The following SBK2 variants were observed in gnomAD, a reference collection of about 807,000 sequenced individuals.
SBK2 encodes the protein serine/threonine-protein kinase SBK2.
A neutral mutation model predicts 15.9 loss-of-function variants in SBK2; 18 were observed. The observed-to-expected ratio is 1.13, with a 90% CI of 0.78 to 1.68. SBK2 has a LOEUF of 1.68. Among genes scored for constraint, SBK2 ranks in the 40% most tolerant of loss-of-function variants. The pLI is 0.00. For synonymous variants in SBK2, 284 were observed against 246.8 expected, an observed-to-expected ratio of 1.15 and a Z score of -1.41; for missense variants, 581 against 510.9, an observed-to-expected ratio of 1.14 and a Z score of -1.32.
chr19:55,530,747 T>C (rs191414292), intron 3 of SBK2, among the ~76,000 whole-genome samples: 73 of 3,192 alleles, frequency 0.023, 4 homozygotes, highest in African/African-American at 0.035. Flanking sequence ...TTAGTGTGGC[T>C]TAGTGTGACC....
Position 55,529,731 on chromosome 19 carries a change from C to T in SBK2, c.*2G>A, listed in dbSNP as rs1988193141. On this transcript the variant is annotated 3_prime_UTR_variant, in exon 4 of 4. Transcript: ENST00000413299. ...TCCCTTTCTGCATCCCCCGGGGCCT[C>T]CTCACTGCCCAGCCTCCTCTTCCAC... 1.3e-6 allele frequency: 2 copies of T among 1,599,372 alleles called. No individual in the cohort carries two copies. The highest frequency in any genetic ancestry group is 1.6e-4 in the Middle Eastern group (1 of 6,074).
intron 3 of SBK2, 61 bp from the exon 4 acceptor site, chr19:55,530,384 G>A: frequency 7.3e-7 from 1 of 1,372,740 alleles, no homozygotes; most frequent in Non-Finnish European, 9.4e-7. Context: ...CGAGACCCAG[G>A]AAGCAGGCCC....
intron 3 of SBK2, 40 bp downstream of exon 3, chr19:55,531,103 G>T (rs762720181): frequency 3.8e-6 from 6 of 1,572,558 alleles, no homozygotes; most frequent in South Asian, 1.1e-5. Context: ...CTGGGAGGCC[G>T]GTGAGGCACT....
At chr19:55,535,071 G>A (rs1002324927) in intron 2 of SBK2, among the ~76,000 whole-genome samples, 4 of 151,962 alleles carry the variant, frequency 2.6e-5, no homozygotes, top group South Asian at 2.1e-4. Flanking sequence ...TTGTGGAAGC[G>A]CCTGCCTTTG....
chr19:55,533,658 TCAAAAAAAAAAAAAAAA>T (rs1988327107), intron 2 of SBK2, among the ~76,000 whole-genome samples: 10 of 4,840 alleles, frequency 2.1e-3, no homozygotes, highest in East Asian at 0.025. Context: ...AGACTCCGTC[TCAAAAAAAAAAAAAAAA>T]AAAAAAAAAA....
rs1162470089 is a variant in SBK2, at chr19:55,531,204, G to C, written c.395C>G (p.Ser132Cys). 2 of 1,613,514 alleles carry C rather than the reference G, an allele frequency of 1.2e-6. No individual in the cohort carries two copies. Among genetic ancestry groups the C allele is most frequent in the Admixed American group, 1.7e-5 (1 of 60,026 alleles). The change falls in exon 3 of 4, where the codon TCC (serine) becomes TGC (cysteine). Residue 132 changes from serine to cysteine, a missense_variant. Ser to Cys is a moderately radical substitution (Grantham distance 112). Coordinates refer to ENST00000413299, the MANE Select transcript of SBK2 (RefSeq NM_001370096.2). ...AYGIGIESAH[S>C]YSFLTEPVLH... is the part of the protein sequence containing the mutation. The stretch of plus-strand genomic sequence containing the variant: ...GACGGGCTCCGTCAGGAAGCTGTAG[G>C]AGTGTGCCGACTCGATGCCAATGCC...
chr19:55,531,374 C>T (rs943822564), intron 2 of SBK2, 29 bp from the exon 3 acceptor site: 17 of 1,556,930 alleles, frequency 1.1e-5, no homozygotes, highest in Middle Eastern at 1.7e-4. Context: ...GTATGGGAGG[C>T]GTGCAGCAGC....
At chr19:55,535,520 C>T (rs1988375764) in intron 2 of SBK2, among the ~76,000 whole-genome samples, 1 of 152,156 alleles carries the variant, frequency 6.6e-6, no homozygotes, top group African/African-American at 2.4e-5. Context: ...AAATCATCAC[C>T]CACATTTTCC....
In SBK2 at chr19:55,529,702, G is replaced by A. The variant is rs1338225435; in HGVS notation, c.*31C>T. On this transcript the variant is annotated 3_prime_UTR_variant, in exon 4 of 4. Coordinates refer to ENST00000413299, the MANE Select transcript of SBK2 (RefSeq NM_001370096.2). ...TGGCCTTGGGGGCCTCGGGTGGGGC[G>A]GCTTCCCTTTCTGCATCCCCCGGGG... The A allele has an allele frequency of 1.8e-5, 28 of 1,590,258 alleles. No individual in the cohort carries two copies. Among genetic ancestry groups the A allele is most frequent in the African/African-American group, 2.7e-5 (2 of 74,412 alleles).
rs528907102 is a variant in SBK2, at chr19:55,531,421, G to A, written c.254-76C>T. The A allele has an allele frequency of 7.7e-4, 911 of 1,186,606 alleles. 1 individual carries two copies. Among genetic ancestry groups the A allele is most frequent in the Non-Finnish European group, 1.0e-3 (821 of 824,484 alleles). 73.5% of individuals were successfully genotyped at this position (1,186,606 alleles called of 1,614,324 possible). On this transcript the variant is annotated intron_variant, in intron 2 of 3. Coordinates refer to ENST00000413299, the MANE Select transcript of SBK2 (RefSeq NM_001370096.2). Reference sequence around the variant, plus strand: ...TGGGCCAGCTGCTCTGTTCCCCTGTGGTCCCCTCAATGGCCCCTCAGCTTG... The same window carrying A: ...TGGGCCAGCTGCTCTGTTCCCCTGTAGTCCCCTCAATGGCCCCTCAGCTTG...
At position 55,530,078 on chromosome 19, in the gene SBK2, G is replaced by T; in HGVS notation, c.702C>A (p.Leu234=). ...TAPELCAPPP[L]PEGLPIQPAL... ...CGGGCTGAATGGGCAGGCCCTCGGG[G>T]AGCGGCGGGGGCGCGCAGAGCTCGG... The change falls in exon 4 of 4, where the codon CTC becomes CTA. Residue 234 remains leucine (L), a synonymous_variant. Transcript: ENST00000413299. 6.9e-7 allele frequency: 1 copy of T among 1,445,322 alleles called. No homozygotes were observed. The highest frequency in any genetic ancestry group is 9.1e-7 in the Non-Finnish European group (1 of 1,104,942). 89.5% of individuals were successfully genotyped at this position (1,445,322 alleles called of 1,614,324 possible).
rs1276982453 is a variant in SBK2, at chr19:55,530,036, C to A, written c.744G>T (p.Ala248=). 2.0e-6 allele frequency: 3 copies of A among 1,490,754 alleles called. No individual in the cohort carries two copies. Among genetic ancestry groups the A allele is most frequent in the Non-Finnish European group, 1.8e-6 (2 of 1,124,314 alleles). The allele number at this position is 1,490,754 out of a possible 1,614,324, so 92.3% of individuals were successfully genotyped here. A position where few individuals can be genotyped will look rare whatever the true frequency, so the allele number is the denominator to read the frequency against. ...LPIQPALDAW[A]LGVLLFCLLT... is the part of the protein sequence containing the mutation. The stretch of plus-strand genomic sequence containing the variant: ...GGAGGCAGAAGAGCAGGACGCCCAG[C>A]GCCCAGGCGTCCAGGGCGGGCTGAA... The change falls in exon 4 of 4, where the codon GCG becomes GCT. Residue 248 remains alanine (A), a synonymous_variant. Transcript: ENST00000413299.
chr19:55,531,794 A>G (rs1450649796), intron 2 of SBK2, among the ~76,000 whole-genome samples: 1 of 152,202 alleles, frequency 6.6e-6, no homozygotes, highest in Non-Finnish European at 1.5e-5. Context: ...CCTGGTCAAT[A>G]TGGTGAAACC....
At position 55,529,804 on chromosome 19, in the gene SBK2, C is replaced by G. The variant is rs200575140; in HGVS notation, c.976G>C (p.Gly326Arg). 2.8e-4 allele frequency: 455 copies of G among 1,604,356 alleles called. No individual in the cohort carries two copies. Among genetic ancestry groups the G allele is most frequent in the Non-Finnish European group, 3.6e-4 (421 of 1,179,642 alleles). ...SAVIAIREHL[G>R]RPWRQREGEA... ...CCCTCCCGCTGCCTCCAGGGGCGCC[C>G]CAGGTGCTCCCTGATGGCGATCACA... is the stretch of plus-strand genomic sequence containing the variant. The change falls in exon 4 of 4, where the codon GGG becomes CGG. Residue 326 changes from glycine (G) to arginine (R), a missense_variant. Physicochemically the swap from Gly to Arg is moderately radical, Grantham distance 125. Coordinates refer to ENST00000413299, the MANE Select transcript of SBK2 (RefSeq NM_001370096.2).
chr19:55,536,152 A>G lies in SBK2; in HGVS notation c.143T>C (p.Leu48Pro). The change falls in exon 2 of 4, where the codon CTG (leucine) becomes CCG (proline). Residue 48 changes from leucine to proline, a missense_variant. By Grantham distance (98) the Leu-to-Pro change is moderately conservative. Transcript: ENST00000413299. ...AARALEDMMT[L>P]SAQTLVRAEV... ...GGCTCGGACCAGGGTCTGAGCACTCAGCGTCATCATGTCCTCCAGCGCGCG... is the reference window on the plus strand; with the variant it reads ...GGCTCGGACCAGGGTCTGAGCACTCGGCGTCATCATGTCCTCCAGCGCGCG... 1 of 1,600,588 alleles carries G rather than the reference A, an allele frequency of 6.2e-7. No homozygotes were observed. Among genetic ancestry groups the G allele is most frequent in the Non-Finnish European group, 8.5e-7 (1 of 1,173,698 alleles).
At chr19:55,534,756 G>A (rs1309950454) in intron 2 of SBK2, among the ~76,000 whole-genome samples, 1 of 149,990 alleles carries the variant, frequency 6.7e-6, no homozygotes, top group Admixed American at 6.7e-5. Context: ...CAGGCACAGT[G>A]GCTCACACCT....
At chr19:55,535,260 T>G (rs1394709933) in intron 2 of SBK2, among the ~76,000 whole-genome samples, 1 of 152,080 alleles carries the variant, frequency 6.6e-6, no homozygotes, top group East Asian at 1.9e-4. Flanking sequence ...CTCCCTATTT[T>G]CCGTTTCATG....
rs56353414 is a variant in SBK2, at chr19:55,536,173, G to A, written c.122C>T (p.Ala41Val). The part of the protein sequence containing the change: ...ELQQGQEAAR[A>V]LEDMMTLSAQ... ...ACTCAGCGTCATCATGTCCTCCAGC[G>A]CGCGGGCAGCCTCCTGGCCCTGCTG... Residue 41 changes from alanine to valine, a missense_variant, in exon 2 of 4, where the codon GCG becomes GTG. Physicochemically the swap from Ala to Val is moderately conservative, Grantham distance 64. Coordinates refer to ENST00000413299, the MANE Select transcript of SBK2 (RefSeq NM_001370096.2). The A allele has an allele frequency of 4.5e-4, 722 of 1,606,690 alleles. 8 individuals are homozygous for A. The East Asian group carries it at 0.012, about 26-fold the overall frequency.
intron 2 of SBK2, among the ~76,000 whole-genome samples, chr19:55,535,032 AAAAAG>A (rs1022331611): frequency 3.3e-5 from 5 of 152,122 alleles, no homozygotes; most frequent in African/African-American, 1.2e-4. Context: ...TTCAAAAAAA[AAAAAG>A]AAAGAAAAAA....
Sources: allele counts gnomAD v4.1 joint callset (sites outside exome capture counted in the v4.1 genomes callset), GRCh38; gene constraint gnomAD v4.1.1; transcripts MANE v1.5; gene names NCBI Gene and HGNC (gene_info 2026-07-23, HGNC 2026-07-21).